The following SCFD2 variants were observed in gnomAD, a reference collection of about 807,000 sequenced individuals.
SCFD2 encodes sec1 family domain containing 2.
In SCFD2, 54 loss-of-function variants were observed where a neutral mutation model predicts 58.9. That is an observed-to-expected ratio of 0.92 (90% CI 0.74 to 1.15). The LOEUF (loss-of-function observed/expected upper bound fraction) is 1.15. Among genes scored for constraint, SCFD2 ranks in the 50% most tolerant of loss-of-function variants. The probability of loss-of-function intolerance (pLI) is 0.00; values close to 1 mark genes in which losing one functional copy is unlikely to be tolerated. For synonymous variants in SCFD2, 321 were observed against 335.9 expected, an observed-to-expected ratio of 0.96 and a Z score of 0.49; for missense variants, 805 against 836.6, an observed-to-expected ratio of 0.96 and a Z score of 0.47.
intron 5 of SCFD2, among the ~76,000 whole-genome samples, chr4:53,105,255 G>A (rs550291149): frequency 3.3e-5 from 5 of 151,876 alleles, no homozygotes; most frequent in East Asian, 1.9e-4. Flanking sequence ...ACAAAACTGC[G>A]CGGCCGTTTG....
At chr4:53,130,079 T>C (rs1251761558) in intron 5 of SCFD2, among the ~76,000 whole-genome samples, 5 of 152,184 alleles carry the variant, frequency 3.3e-5, no homozygotes, top group African/African-American at 1.2e-4. Flanking sequence ...AAAATTAGAC[T>C]TGTGTCCCAT....
chr4:53,080,413 TA>T (rs1470834331), intron 5 of SCFD2, among the ~76,000 whole-genome samples: 1 of 152,090 alleles, frequency 6.6e-6, no homozygotes, highest in African/African-American at 2.4e-5. Context: ...GTCATAGCAA[TA>T]AAAAAACTAT....
intron 5 of SCFD2, among the ~76,000 whole-genome samples, chr4:53,098,622 TC>T (rs1355487905): frequency 1.3e-5 from 2 of 152,108 alleles, no homozygotes; most frequent in Non-Finnish European, 1.5e-5. Flanking sequence ...CTCTAACTGT[TC>T]CCTCTCTCTG....
At chr4:52,892,195 G>A (rs112560601) in intron 7 of SCFD2, among the ~76,000 whole-genome samples, 2 of 152,276 alleles carry the variant, frequency 1.3e-5, no homozygotes, top group African/African-American at 4.8e-5. Context: ...CTAAGCAAAT[G>A]GCCCTAGACA....
chr4:53,127,029 A>T (rs1209572000), intron 5 of SCFD2, among the ~76,000 whole-genome samples: 1 of 152,230 alleles, frequency 6.6e-6, no homozygotes, highest in African/African-American at 2.4e-5. Context: ...GAAGAAAAAA[A>T]CCTGAAGAAG....
chr4:53,334,616 G>T (rs912315904), intron 2 of SCFD2, among the ~76,000 whole-genome samples: 1 of 150,788 alleles, frequency 6.6e-6, no homozygotes, highest in African/African-American at 2.4e-5. Flanking sequence ...TGGGGGGAAG[G>T]GGGAGGGATA....
chr4:52,973,297 G>C (rs1721159619), intron 5 of SCFD2, among the ~76,000 whole-genome samples: 1 of 152,030 alleles, frequency 6.6e-6, no homozygotes, highest in Non-Finnish European at 1.5e-5. Flanking sequence ...AGAAAAGAGA[G>C]AAGAATCAAA....
intron 5 of SCFD2, among the ~76,000 whole-genome samples, chr4:53,065,462 C>G (rs886675127): frequency 6.6e-6 from 1 of 151,998 alleles, no homozygotes; most frequent in Non-Finnish European, 1.5e-5. Flanking sequence ...TCTCTGAAAT[C>G]CTGCTGAGAA....
Position 53,107,272 on chromosome 4 carries a change from A to T in SCFD2, c.1561+38061T>A, listed in dbSNP as rs371772815. On this transcript the variant is annotated intron_variant, in intron 5 of 8. Coordinates refer to ENST00000401642, the MANE Select transcript of SCFD2 (RefSeq NM_152540.4). ...AACCGGTACTATCCACTGCAAAAAC[A>T]TACCAAATTGTAAACACCATTGACA... is the stretch of plus-strand genomic sequence containing the variant. Among the ~76,000 whole-genome samples the T allele has an allele frequency of 2.4e-4, 36 of 152,360 alleles. No homozygotes were observed. The East Asian group carries it at 5.2e-3, about 22-fold the overall frequency.
At chr4:52,975,448 T>C (rs556760808) in intron 5 of SCFD2, among the ~76,000 whole-genome samples, 45 of 152,190 alleles carry the variant, frequency 3.0e-4, no homozygotes, top group African/African-American at 4.3e-4. Context: ...CAGCAGAGAA[T>C]TGCAAATCAA....
intron 5 of SCFD2, among the ~76,000 whole-genome samples, chr4:53,064,700 T>C (rs1021080017): frequency 4.6e-5 from 7 of 152,142 alleles, no homozygotes; most frequent in African/African-American, 1.7e-4. Flanking sequence ...TGACATTATT[T>C]GTCTTAAACA....
intron 3 of SCFD2, among the ~76,000 whole-genome samples, chr4:53,289,857 T>C (rs1731785792): frequency 6.6e-6 from 1 of 152,142 alleles, no homozygotes; most frequent in African/African-American, 2.4e-5. Flanking sequence ...TAAAATAGAC[T>C]TCAAGTCAAA....
chr4:53,313,790 T>G (rs1389555347), intron 2 of SCFD2, 27 bp from the exon 3 acceptor site: 2 of 1,612,840 alleles, frequency 1.2e-6, no homozygotes, highest in Non-Finnish European at 1.7e-6. Context: ...AAAAGAGCTT[T>G]AGAATAAATT....
chr4:53,300,630 A>G (rs186736257), intron 3 of SCFD2, among the ~76,000 whole-genome samples: 192 of 152,310 alleles, frequency 1.3e-3, no homozygotes, highest in African/African-American at 4.4e-3. Context: ...CTCCACTCCA[A>G]ATCAACAGAA....
chr4:52,888,104 G>A (rs1718786786), intron 7 of SCFD2, among the ~76,000 whole-genome samples: 1 of 151,642 alleles, frequency 6.6e-6, no homozygotes. Context: ...TAGAGACGGG[G>A]TTTCACCTTG....
intron 4 of SCFD2, among the ~76,000 whole-genome samples, chr4:53,200,569 T>C (rs757715488): frequency 7.9e-5 from 12 of 152,106 alleles, no homozygotes; most frequent in Admixed American, 2.6e-4. Flanking sequence ...AATAATCTGT[T>C]TCTGGAAAGA....
chr4:53,268,937 A>G (rs1731075927), intron 4 of SCFD2, among the ~76,000 whole-genome samples: 1 of 152,124 alleles, frequency 6.6e-6, no homozygotes, highest in South Asian at 2.1e-4. Context: ...GTCAAGGATA[A>G]TGGGAGACAA....
At chr4:53,159,773 C>G (rs922131949) in intron 4 of SCFD2, among the ~76,000 whole-genome samples, 1 of 152,164 alleles carries the variant, frequency 6.6e-6, no homozygotes, top group African/African-American at 2.4e-5. Flanking sequence ...CCATGACCAC[C>G]CCCTTCAGAA....
intron 4 of SCFD2, among the ~76,000 whole-genome samples, chr4:53,164,855 G>A (rs1726962398): frequency 6.6e-6 from 1 of 150,768 alleles, no homozygotes; most frequent in South Asian, 2.1e-4. Context: ...TTCCTTAGGA[G>A]AAACTTTAAG....
Sources: allele counts gnomAD v4.1 joint callset (sites outside exome capture counted in the v4.1 genomes callset), GRCh38; gene constraint gnomAD v4.1.1; transcripts MANE v1.5; gene names NCBI Gene and HGNC (gene_info 2026-07-23, HGNC 2026-07-21).